The following ENPP2 variants were observed in gnomAD, a reference collection of about 807,000 sequenced individuals.
ENPP2 encodes the protein autotaxin.
In ENPP2, 51 loss-of-function variants were observed where a neutral mutation model predicts 120.2. That is an observed-to-expected ratio of 0.42 (90% CI 0.34 to 0.54). The LOEUF (loss-of-function observed/expected upper bound fraction) is 0.54. Ranked by LOEUF, ENPP2 falls within the 20% of genes least tolerant of loss-of-function variation. The probability of loss-of-function intolerance (pLI) is 0.04; values close to 1 mark genes in which losing one functional copy is unlikely to be tolerated. For synonymous variants in ENPP2, 365 were observed against 366.4 expected (o/e 1.00, Z 0.04); for missense variants, 920 against 1,066.5 (o/e 0.86, Z 1.91).
At chr8:119,659,842 G>T in intron 1 of ENPP2, among the ~76,000 whole-genome samples, 1 of 152,250 alleles carries the variant, frequency 6.6e-6, no homozygotes, top group South Asian at 2.1e-4. Flanking sequence ...CCATTTTCTG[G>T]CAGCCCTGAC....
chr8:119,618,240 T>A, intron 5 of ENPP2: 1 of 483,728 alleles, frequency 2.1e-6, no homozygotes, highest in Non-Finnish European at 4.1e-6. Context: ...ATCATTTTTG[T>A]TCCGGGGATG....
At chr8:119,584,277 G>A (rs866954829) in intron 15 of ENPP2, among the ~76,000 whole-genome samples, 8 of 152,080 alleles carry the variant, frequency 5.3e-5, no homozygotes, top group East Asian at 1.9e-4. Context: ...CTGAAGTCAC[G>A]ATGCCCTCCT....
At chr8:119,638,622 C>G in intron 1 of ENPP2, 95 bp from the exon 2 acceptor site, 1 of 996,290 alleles carries the variant, frequency 1.0e-6, no homozygotes. Flanking sequence ...TATCAACACC[C>G]AATCCTACCA....
At chr8:119,662,453 C>T (rs564836384) in intron 1 of ENPP2, among the ~76,000 whole-genome samples, 6 of 152,172 alleles carry the variant, frequency 3.9e-5, no homozygotes, top group Admixed American at 2.0e-4. Context: ...TAGTTCGAAA[C>T]GCAAATCCTC....
At position 119,607,353 on chromosome 8, in the gene ENPP2, G is replaced by A. The variant is rs78774007; in HGVS notation, c.833+569C>T. Among the ~76,000 whole-genome samples the A allele has an allele frequency of 8.5e-5, 13 of 152,246 alleles. 1 individual carries two copies. In the East Asian group the frequency reaches 1.4e-3, roughly 16 times the overall value. On this transcript the variant is annotated intron_variant, in intron 9 of 24. Coordinates refer to ENST00000075322, the MANE Select transcript of ENPP2 (RefSeq NM_001040092.3). ...GAATAGAAAAATCTAAAGGACATCCGGAAGGAGGAGAGACCATCTTACATT... is the reference window on the plus strand; with the variant it reads ...GAATAGAAAAATCTAAAGGACATCCAGAAGGAGGAGAGACCATCTTACATT...
intron 20 of ENPP2, among the ~76,000 whole-genome samples, chr8:119,569,937 T>G (rs1307280884): frequency 6.6e-6 from 1 of 152,152 alleles, no homozygotes; most frequent in Non-Finnish European, 1.5e-5. Flanking sequence ...TTATCTCATC[T>G]TCATCAAAAC....
At chr8:119,617,767 G>C (rs890288758) in intron 5 of ENPP2, among the ~76,000 whole-genome samples, 1 of 152,088 alleles carries the variant, frequency 6.6e-6, no homozygotes, top group South Asian at 2.1e-4. Context: ...TGGCAACATG[G>C]TGAAACCCCC....
At position 119,659,334 on chromosome 8, in the gene ENPP2, A is replaced by AAAAAAAAAAAAAAAAAAAAAC. The variant is rs58435393; in HGVS notation, c.21+13917_21+13918insGTTTTTTTTTTTTTTTTTTTT. The stretch of plus-strand genomic sequence containing the variant: ...TCTGTCTCAATTAAAAAAAAAAAAA[A>AAAAAAAAAAAAAAAAAAAAAC]AAACCAGAGTTCTTAAGAATTTTCT... On this transcript the variant is annotated intron_variant, in intron 1 of 25. Transcript: ENST00000427067. Among the ~76,000 whole-genome samples the AAAAAAAAAAAAAAAAAAAAAC allele has an allele frequency of 1.2e-3, 162 of 130,744 alleles. 1 individual carries two copies. The highest frequency in any genetic ancestry group is 4.9e-3 in the South Asian group (17 of 3,468). 85.8% of individuals were successfully genotyped at this position (130,744 alleles called of 152,430 possible).
chr8:119,587,188 A>G lies in ENPP2; in HGVS notation c.1208-113T>C, dbSNP rs577398163. ...TCCTTCCATCCCACAGAAGACTATC[A>G]CTTTAGTGTTTTGTTTGAAAGATAA... On this transcript the variant is annotated intron_variant, in intron 13 of 24. Transcript: ENST00000075322. The G allele has an allele frequency of 1.7e-5, 14 of 843,832 alleles. No individual in the cohort carries two copies. In the African/African-American group the frequency reaches 2.2e-4, roughly 13 times the overall value. The allele number at this position is 843,832 out of a possible 1,614,324, so 52.3% of individuals were successfully genotyped here.
At chr8:119,614,431 A>C (rs1815326926) in intron 8 of ENPP2, among the ~76,000 whole-genome samples, 1 of 152,114 alleles carries the variant, frequency 6.6e-6, no homozygotes, top group Non-Finnish European at 1.5e-5. Context: ...GTTTCACCAC[A>C]AATCTTGGTC....
chr8:119,562,977 G>A lies in ENPP2; in HGVS notation c.2301C>T (p.His767=). 1 of 1,614,112 alleles carries A rather than the reference G, an allele frequency of 6.2e-7. No homozygotes were observed. The highest frequency in any genetic ancestry group is 1.1e-5 in the South Asian group (1 of 91,072). ...VEGSSIPVPT[H]YYSIITSCLD... ...GACAGCTGGTGATGATGCTGTAGTA[G>A]TGAGTTGGAACAGGAATGGAACTGC... The change falls in exon 24 of 25, where the codon CAC becomes CAT. Residue 767 remains histidine (H), a synonymous_variant. Coordinates refer to ENST00000075322, the MANE Select transcript of ENPP2 (RefSeq NM_001040092.3).
At chr8:119,642,618 C>T (rs1206938717), upstream of ENPP2, among the ~76,000 whole-genome samples, 1 of 152,154 alleles carries the variant, frequency 6.6e-6, no homozygotes. Flanking sequence ...ATAACATTCA[C>T]TATTAATTGG....
chr8:119,638,554 C>G (rs751856937), intron 1 of ENPP2, 27 bp from the exon 2 acceptor site: 11 of 1,350,448 alleles, frequency 8.1e-6, no homozygotes, highest in South Asian at 1.2e-5. Flanking sequence ...ACCAAGTTGT[C>G]AAATACAGCT....
intron 1 of ENPP2, among the ~76,000 whole-genome samples, chr8:119,651,030 A>T (rs1174807556): frequency 6.6e-6 from 1 of 151,780 alleles, no homozygotes. Flanking sequence ...AGGCTCACTC[A>T]CTCTTCCAAC....
At position 119,557,331 on chromosome 8, in the gene ENPP2, C is replaced by T. The variant is rs1367295471; in HGVS notation, c.*190G>A. ...GCTGCAGTATTTATTACAAGCTCTA[C>T]TCAGAACACAAGGCTACCTAAATCA... is the stretch of plus-strand genomic sequence containing the variant. On this transcript the variant is annotated 3_prime_UTR_variant, in exon 25 of 25. Transcript: ENST00000075322. 3 of 549,354 alleles carry T rather than the reference C, an allele frequency of 5.5e-6. No individual in the cohort carries two copies. Among genetic ancestry groups the T allele is most frequent in the Non-Finnish European group, 9.6e-6 (3 of 313,412 alleles). 34.0% of individuals were successfully genotyped at this position (549,354 alleles called of 1,614,324 possible). A position where few individuals can be genotyped will look rare whatever the true frequency, so the allele number is the denominator to read the frequency against.
In ENPP2 at chr8:119,583,791, C is replaced by T; in HGVS notation, c.1469G>A (p.Gly490Asp). The part of the protein sequence containing the change: ...KVNSMQTVFV[G>D]YGSTFKYKTK... Reference sequence around the variant, plus strand: ...CTTGTACTTAAATGTTGAGCCATAACCTACAAAAACAGTCTTCCAAAAGAA... The same window carrying T: ...CTTGTACTTAAATGTTGAGCCATAATCTACAAAAACAGTCTTCCAAAAGAA... The change falls in exon 17 of 25, where the codon GGT (glycine) becomes GAT (aspartate). Residue 490 changes from glycine (G) to aspartate (D), a missense_variant. Transcript: ENST00000075322. 1 of 1,589,196 alleles carries T rather than the reference C, an allele frequency of 6.3e-7. No homozygotes were observed.
intron 11 of ENPP2, among the ~76,000 whole-genome samples, chr8:119,594,665 C>T (rs1813762821): frequency 6.6e-6 from 1 of 152,186 alleles, no homozygotes; most frequent in Admixed American, 6.5e-5. Flanking sequence ...ACTAGAGGCT[C>T]TCCATCCCCC....
chr8:119,668,411 C>T (rs144041349), intron 1 of ENPP2, among the ~76,000 whole-genome samples: 7 of 142,392 alleles, frequency 4.9e-5, no homozygotes, highest in Non-Finnish European at 3.0e-5. Flanking sequence ...TTTTCTTTTT[C>T]TTTTTCTTTT....
intron 2 of ENPP2, among the ~76,000 whole-genome samples, chr8:119,634,499 A>G (rs996633410): frequency 2.0e-5 from 3 of 152,214 alleles, no homozygotes; most frequent in African/African-American, 7.2e-5. Context: ...TAAATGAATT[A>G]TCATATACTT....
Sources: gnomAD v4.1 joint callset for allele counts (sites outside exome capture counted in the v4.1 genomes callset) on GRCh38, gnomAD v4.1.1 for gene constraint, MANE v1.5 for transcripts, NCBI Gene and HGNC (gene_info 2026-07-23, HGNC 2026-07-21) for gene names.